Variants in MRTFB observed in about 807,000 individuals in gnomAD.
The protein encoded by MRTFB is myocardin related transcription factor B, also known as myocardin-related transcription factor B.
A neutral mutation model predicts 104.2 loss-of-function variants in MRTFB; 29 were observed. That is an observed-to-expected ratio of 0.28 (90% CI 0.21 to 0.38). The LOEUF (loss-of-function observed/expected upper bound fraction) is 0.38, where lower values mean the gene tolerates loss of function less well. Ranked by LOEUF, MRTFB falls within the 10% of genes least tolerant of loss-of-function variation. MRTFB has a pLI of 1.00. For synonymous variants in MRTFB, 535 were observed against 519.5 expected, an observed-to-expected ratio of 1.03 and a Z score of -0.41; for missense variants, 1,270 against 1,341.6, an observed-to-expected ratio of 0.95 and a Z score of 0.83.
rs1394350757 is a variant in MRTFB at position 14,264,077 on chromosome 16, C to G, written c.*2633C>G. 1 of 152,178 alleles carries G rather than the reference C, an allele frequency of 6.6e-6. No individual in the cohort carries two copies. Among genetic ancestry groups the G allele is most frequent in the Non-Finnish European group, 1.5e-5 (1 of 68,028 alleles). The allele number at this position is 152,178 out of a possible 1,614,324, so 9.4% of individuals were successfully genotyped here. On this transcript the variant is annotated 3_prime_UTR_variant, in exon 17 of 17. Coordinates refer to ENST00000571589, the MANE Select transcript of MRTFB (RefSeq NM_001308142.2). Reference sequence around the variant, plus strand: ...AGGAAGGGTGGATATTGACTAAAGACTGGTTGTTGTTGTTGTTTAGGTTAG... The same window carrying G: ...AGGAAGGGTGGATATTGACTAAAGAGTGGTTGTTGTTGTTGTTTAGGTTAG...
intron 2 of MRTFB, among the ~76,000 whole-genome samples, chr16:14,125,841 T>C (rs1187395729): frequency 6.6e-6 from 1 of 152,218 alleles, no homozygotes; most frequent in Non-Finnish European, 1.5e-5. Flanking sequence ...GTGATGTATT[T>C]ATAGGAAATA....
chr16:14,144,992 ATATG>A (rs1379291452), intron 3 of MRTFB, among the ~76,000 whole-genome samples: 2 of 106,024 alleles, frequency 1.9e-5, no homozygotes, highest in Non-Finnish European at 3.2e-5. Flanking sequence ...ATATATATAT[ATATG>A]TATATATATA....
the MRTFB span, among the ~76,000 whole-genome samples, chr16:14,062,385 C>T: frequency 1.4e-4 from 22 of 152,214 alleles, no homozygotes; most frequent in Non-Finnish European, 3.1e-4. Flanking sequence ...AGGCGTGAGC[C>T]ACCCACCCAG....
At chr16:14,026,333 A>G in the MRTFB span, among the ~76,000 whole-genome samples, 1 of 152,230 alleles carries the variant, frequency 6.6e-6, no homozygotes, top group African/African-American at 2.4e-5. Flanking sequence ...TTTTACAAAG[A>G]TACAAAAGCA....
chr16:14,224,912 C>A (rs537067213), intron 8 of MRTFB, among the ~76,000 whole-genome samples: 8 of 152,190 alleles, frequency 5.3e-5, no homozygotes, highest in Middle Eastern at 3.2e-3. Context: ...TGGCTGGGCA[C>A]GGTGGCTTAC....
intron 15 of MRTFB, among the ~76,000 whole-genome samples, chr16:14,253,435 G>C (rs2043339461): frequency 6.6e-6 from 1 of 152,208 alleles, no homozygotes; most frequent in Admixed American, 6.5e-5. Flanking sequence ...CCGCTCCCGT[G>C]TTCCATGGGG....
At chr16:14,222,533 C>T (rs1398006154) in intron 8 of MRTFB, among the ~76,000 whole-genome samples, 1 of 151,398 alleles carries the variant, frequency 6.6e-6, no homozygotes, top group South Asian at 2.1e-4. Context: ...AGATTGGACA[C>T]CCCTGGCTTA....
chr16:14,252,213 C>G, intron 14 of MRTFB, 152 bp from the exon 15 acceptor site: 2 of 1,289,658 alleles, frequency 1.6e-6, no homozygotes, highest in Non-Finnish European at 2.1e-6. Context: ...AAGGTGGCCA[C>G]CAGTGCTGTC....
chr16:14,080,901 A>T (rs181222163), intron 2 of MRTFB, among the ~76,000 whole-genome samples: 2 of 152,332 alleles, frequency 1.3e-5, no homozygotes, highest in African/African-American at 2.4e-5. Context: ...TTATCCATTC[A>T]TCTGTTGATG....
In MRTFB at chr16:14,218,766, G is replaced by C. The variant is rs529827183; in HGVS notation, c.515-54G>C. ...ACAATGTTTTCCTCCTTCACATTAA[G>C]CTTGGTATTCCAAAGCCAACATAAG... On this transcript the variant is annotated intron_variant, in intron 7 of 16. Coordinates refer to ENST00000571589, the MANE Select transcript of MRTFB (RefSeq NM_001308142.2). 22 of 1,507,554 alleles carry C rather than the reference G, an allele frequency of 1.5e-5. No individual in the cohort carries two copies. In the African/African-American group the frequency reaches 2.8e-4, roughly 19 times the overall value. The allele number at this position is 1,507,554 out of a possible 1,614,324, so 93.4% of individuals were successfully genotyped here.
intron 3 of MRTFB, among the ~76,000 whole-genome samples, chr16:14,144,992 A>ATG (rs72043245): frequency 0.018 from 1,855 of 105,962 alleles, 40 homozygotes; most frequent in African/African-American, 0.12. Context: ...ATATATATAT[A>ATG]TATGTATATA....
chr16:14,005,281 A>G, the MRTFB span, among the ~76,000 whole-genome samples: 1 of 152,154 alleles, frequency 6.6e-6, no homozygotes, highest in South Asian at 2.1e-4. Flanking sequence ...AGTAGTAAGG[A>G]AGGGAGGAAG....
the MRTFB span, among the ~76,000 whole-genome samples, chr16:14,029,730 C>G: frequency 3.9e-5 from 6 of 152,008 alleles, no homozygotes; most frequent in African/African-American, 1.5e-4. Context: ...TCCTCCACCC[C>G]CCGTGTCTGT....
At chr16:14,255,351 C>T in intron 15 of MRTFB, among the ~76,000 whole-genome samples, 1 of 152,294 alleles carries the variant, frequency 6.6e-6, no homozygotes, top group South Asian at 2.1e-4. Context: ...GTTGACAAGA[C>T]AGAGAAAATC....
At chr16:14,105,284 T>TTCATCATCAA (rs2035910466) in intron 2 of MRTFB, among the ~76,000 whole-genome samples, 1 of 152,202 alleles carries the variant, frequency 6.6e-6, no homozygotes, top group African/African-American at 2.4e-5. Flanking sequence ...GTCTCTTTCC[T>TTCATCATCAA]AAATTGTTGA....
chr16:14,227,282 A>G (rs1280299742), intron 8 of MRTFB, among the ~76,000 whole-genome samples: 1 of 145,952 alleles, frequency 6.9e-6, no homozygotes, highest in Non-Finnish European at 1.5e-5. Flanking sequence ...GTTGTTAAAA[A>G]AACAAAAACA....
intron 1 of MRTFB, among the ~76,000 whole-genome samples, chr16:14,073,763 C>G (rs2033875204): frequency 6.6e-6 from 1 of 152,182 alleles, no homozygotes. Flanking sequence ...CTTTAAATAG[C>G]TTCTTCTGCT....
chr16:14,196,123 G>A (rs1322131304), intron 3 of MRTFB, among the ~76,000 whole-genome samples: 2 of 152,148 alleles, frequency 1.3e-5, no homozygotes, highest in Non-Finnish European at 2.9e-5. Context: ...AAGGAGAAGG[G>A]AATTTGTGTG....
At chr16:14,187,841 T>G (rs2040011886) in intron 3 of MRTFB, among the ~76,000 whole-genome samples, 1 of 152,236 alleles carries the variant, frequency 6.6e-6, no homozygotes, top group South Asian at 2.1e-4. Context: ...TTCTCAATGC[T>G]TGTTTAATTT....
Sources: gnomAD v4.1 joint callset for allele counts (sites outside exome capture counted in the v4.1 genomes callset) on GRCh38, gnomAD v4.1.1 for gene constraint, MANE v1.5 for transcripts, NCBI Gene and HGNC (gene_info 2026-07-23, HGNC 2026-07-21) for gene names.